Variants in ADD2 observed in about 807,000 individuals in gnomAD.
The protein encoded by ADD2 is adducin 2.
In ADD2, 23 loss-of-function variants were observed where a neutral mutation model predicts 83.0. The ratio of observed to expected loss-of-function variants is 0.28; its 90% confidence interval spans 0.20 to 0.39. The LOEUF (loss-of-function observed/expected upper bound fraction) is 0.39, where lower values mean the gene tolerates loss of function less well. ADD2 is among the 10% of genes least tolerant of loss of function. The pLI is 1.00. For missense variants in ADD2, 758 were observed against 944.9 expected, an observed-to-expected ratio of 0.80 and a Z score of 2.59; for synonymous variants, 375 against 375.4, an observed-to-expected ratio of 1.00 and a Z score of 0.01.
chr2:70,685,481 C>T (rs1395155665), intron 9 of ADD2, among the ~76,000 whole-genome samples: 3 of 152,096 alleles, frequency 2.0e-5, no homozygotes, highest in Non-Finnish European at 4.4e-5. Context: ...GGTGAGGCAG[C>T]GCTTCTCCAG....
chr2:70,762,198 G>A (rs1329748558), intron 1 of ADD2, among the ~76,000 whole-genome samples: 1 of 151,686 alleles, frequency 6.6e-6, no homozygotes, highest in Non-Finnish European at 1.5e-5. Context: ...ATCCAATTAT[G>A]ATGCTTAAAA....
At position 70,678,964 on chromosome 2, in the gene ADD2, A is replaced by G. The variant is rs1553369035; in HGVS notation, c.1126-3T>C. The G allele has an allele frequency of 1.9e-6, 3 of 1,601,784 alleles. No individual in the cohort carries two copies. The highest frequency in any genetic ancestry group is 2.2e-5 in the East Asian group (1 of 44,778). On this transcript the variant is annotated splice_polypyrimidine_tract_variant and splice_region_variant and intron_variant, in intron 10 of 15. Transcript: ENST00000264436. The stretch of plus-strand genomic sequence containing the variant: ...TACGTGTAACCTGTTCTGTAGCCCT[A>G]TAAAGGACAAAAATAGAACCACTTA...
intron 1 of ADD2, among the ~76,000 whole-genome samples, chr2:70,741,673 C>A (rs190978736): frequency 1.3e-5 from 2 of 152,306 alleles, no homozygotes; most frequent in Admixed American, 1.3e-4. Flanking sequence ...CAGTCACCAG[C>A]AATTTCCAGA....
At chr2:70,690,650 G>A in intron 8 of ADD2, 136 bp downstream of exon 8, 1 of 1,003,548 alleles carries the variant, frequency 1.0e-6, no homozygotes, top group Non-Finnish European at 1.4e-6. Flanking sequence ...AAAATCTCAG[G>A]GTAGTGGGAT....
At chr2:70,670,135 A>T (rs1222277323) in intron 15 of ADD2, among the ~76,000 whole-genome samples, 1 of 152,220 alleles carries the variant, frequency 6.6e-6, no homozygotes, top group Non-Finnish European at 1.5e-5. Context: ...CTTAAATCAA[A>T]TATTATTGCT....
intron 1 of ADD2, among the ~76,000 whole-genome samples, chr2:70,743,881 G>A (rs1674047701): frequency 6.6e-6 from 1 of 152,194 alleles, no homozygotes; most frequent in Non-Finnish European, 1.5e-5. Context: ...GGGGACAGCA[G>A]GGATGACACA....
chr2:70,720,424 A>C (rs1360746119), intron 1 of ADD2, among the ~76,000 whole-genome samples: 1 of 152,174 alleles, frequency 6.6e-6, no homozygotes, highest in East Asian at 1.9e-4. Flanking sequence ...AGGCCATGAT[A>C]GGGTGTTAAG....
chr2:70,687,169 A>G (rs948627561), intron 9 of ADD2: 3 of 152,344 alleles, frequency 2.0e-5, no homozygotes, highest in Non-Finnish European at 2.9e-5. Context: ...CAGAGGCTCA[A>G]GCAGGGCAAG....
chr2:70,683,182 C>T (rs1280531924), intron 10 of ADD2, among the ~76,000 whole-genome samples: 2 of 151,284 alleles, frequency 1.3e-5, no homozygotes, highest in Non-Finnish European at 2.9e-5. Flanking sequence ...TGCCACCATG[C>T]CCAGCTAATT....
Position 70,676,850 on chromosome 2 carries a change from C to T in ADD2, c.1539G>A (p.Ala513=), listed in dbSNP as rs115841739. The T allele has an allele frequency of 1.4e-5, 23 of 1,614,094 alleles. No individual in the cohort carries two copies. In the Admixed American group the frequency reaches 1.7e-4, roughly 12 times the overall value. The change falls in exon 13 of 16, where the codon GCG becomes GCA. Residue 513 remains alanine, a synonymous_variant. Transcript: ENST00000264436. The surrounding 1 kb of genome is among the most constrained non-coding windows in gnomAD (Gnocchi z 4.8). Reference sequence around the variant, plus strand: ...TCGCCAGGAGCTGGGACTGAGGCCCCGCTGACTTCACATCTTGTCGGTTTT... The same window carrying T: ...TCGCCAGGAGCTGGGACTGAGGCCCTGCTGACTTCACATCTTGTCGGTTTT... ...REQNRQDVKS[A]GPQSQLLASV...
At position 70,690,785 on chromosome 2, in the gene ADD2, C is replaced by A; in HGVS notation, c.849+1G>T. 1 of 1,610,650 alleles carries A rather than the reference C, an allele frequency of 6.2e-7. No homozygotes were observed. Reference sequence around the variant, plus strand: ...TATTGTCCCAGAAGAGCTAAGCTAACCTTGCAGGTGGGTCCAAGGCACTTC... The same window carrying A: ...TATTGTCCCAGAAGAGCTAAGCTAAACTTGCAGGTGGGTCCAAGGCACTTC... On this transcript the variant is annotated splice_donor_variant, in intron 8 of 15. Coordinates refer to ENST00000264436, the MANE Select transcript of ADD2 (RefSeq NM_001617.4). LOFTEE classifies it high-confidence loss of function.
rs114456016 is a variant in ADD2, at chr2:70,704,444, G to A, written c.199C>T (p.Leu67=). The A allele has an allele frequency of 3.1e-6, 5 of 1,614,138 alleles. No homozygotes were observed. In the African/African-American group the frequency reaches 6.7e-5, roughly 22 times the overall value. ...ILQSPSFREE[L]EGLIQEQMKK... The stretch of plus-strand genomic sequence containing the variant: ...ATCTGCTCCTGGATGAGGCCTTCCA[G>A]CTCCTCCCTGAAAGACTGAAGCAGG... Residue 67 remains leucine (L), a synonymous_variant, in exon 4 of 16, where the codon CTG becomes TTG. Coordinates refer to ENST00000264436, the MANE Select transcript of ADD2 (RefSeq NM_001617.4).
intron 4 of ADD2, among the ~76,000 whole-genome samples, chr2:70,699,308 A>C (rs1671465921): frequency 1.3e-5 from 2 of 152,362 alleles, no homozygotes; most frequent in South Asian, 2.1e-4. Flanking sequence ...AAAGAAAAAA[A>C]CCTACAATTA....
intron 1 of ADD2, among the ~76,000 whole-genome samples, chr2:70,738,003 C>T (rs1216871145): frequency 1.3e-5 from 2 of 152,134 alleles, no homozygotes; most frequent in Non-Finnish European, 2.9e-5. Flanking sequence ...GAGCACACAG[C>T]CAATAAGTGG....
At chr2:70,755,338 G>A (rs782507729) in intron 1 of ADD2, among the ~76,000 whole-genome samples, 28 of 152,146 alleles carry the variant, frequency 1.8e-4, no homozygotes, top group South Asian at 2.1e-4. Context: ...TCCGTCTCAC[G>A]AACCCACCTG....
intron 1 of ADD2, among the ~76,000 whole-genome samples, chr2:70,742,892 T>C (rs1574312979): frequency 6.6e-6 from 1 of 152,226 alleles, no homozygotes; most frequent in East Asian, 1.9e-4. Flanking sequence ...ATGTGATATT[T>C]AAGTTTGTCA....
At position 70,706,416 on chromosome 2, in the gene ADD2, G is replaced by C; in HGVS notation, c.-8C>G. On this transcript the variant is annotated 5_prime_UTR_variant, in exon 3 of 16. Coordinates refer to ENST00000264436, the MANE Select transcript of ADD2 (RefSeq NM_001617.4). The surrounding 1 kb of genome is among the most constrained non-coding windows in gnomAD (Gnocchi z 5.0). ...GACCGTCTCTTCGCTCATTTTCCCG[G>C]TGGGTTTGCAATTCGCTCCTGGAAC... The C allele has an allele frequency of 6.2e-7, 1 of 1,600,298 alleles. No homozygotes were observed. The highest frequency in any genetic ancestry group is 8.5e-7 in the Non-Finnish European group (1 of 1,174,246).
At chr2:70,726,531 T>C (rs1030043) in intron 1 of ADD2, among the ~76,000 whole-genome samples, 80,199 of 152,044 alleles carry the variant, frequency 0.53, 22,703 homozygotes, top group African/African-American at 0.73. Context: ...GAGAAAAAGG[T>C]TTTATGATCC....
chr2:70,709,859 C>T (rs1387483922), intron 2 of ADD2, among the ~76,000 whole-genome samples: 22 of 152,220 alleles, frequency 1.4e-4, no homozygotes, highest in Admixed American at 1.4e-3. Context: ...AATATTTCAC[C>T]TCTATCATGC....
Sources: allele counts gnomAD v4.1 joint callset (sites outside exome capture counted in the v4.1 genomes callset), GRCh38; gene constraint gnomAD v4.1.1; non-coding constraint Gnocchi (gnomAD v3.1); transcripts MANE v1.5; gene names NCBI Gene and HGNC (gene_info 2026-07-23, HGNC 2026-07-21).